The following ULK4 variants were observed in gnomAD, a reference collection of about 807,000 sequenced individuals.
The protein encoded by ULK4 is inactive serine/threonine-protein kinase ULK4.
ULK4 carries 133 observed loss-of-function variants against 160.6 expected under a neutral mutation model. That is an observed-to-expected ratio of 0.83 (90% CI 0.72 to 0.96). The LOEUF is 0.96. ULK4 is among the 40% of genes least tolerant of loss of function. ULK4 has a pLI of 0.00. For missense variants in ULK4, 1,580 were observed against 1,499.5 expected (o/e 1.05, Z -0.89); for synonymous variants, 534 against 539.8 (o/e 0.99, Z 0.15).
intron 30 of ULK4, among the ~76,000 whole-genome samples, chr3:41,649,336 G>A (rs1393254571): frequency 6.6e-6 from 1 of 152,144 alleles, no homozygotes; most frequent in African/African-American, 2.4e-5. Flanking sequence ...GGCAGGAACA[G>A]GCAGGAGCCC....
intron 17 of ULK4, among the ~76,000 whole-genome samples, chr3:41,871,030 C>T (rs1355771360): frequency 1.3e-5 from 2 of 152,134 alleles, no homozygotes; most frequent in East Asian, 1.9e-4. Context: ...TCTCTCCTCC[C>T]GCCATGTAAA....
chr3:41,897,292 C>T (rs1343282014), intron 14 of ULK4, among the ~76,000 whole-genome samples: 1 of 152,046 alleles, frequency 6.6e-6, no homozygotes, highest in African/African-American at 2.4e-5. Context: ...TAACAAAATG[C>T]AAAGTTCAAT....
At chr3:41,647,151 G>C (rs1011345796) in intron 30 of ULK4, among the ~76,000 whole-genome samples, 1 of 152,120 alleles carries the variant, frequency 6.6e-6, no homozygotes, top group Non-Finnish European at 1.5e-5. Flanking sequence ...TTCTCCTGTA[G>C]CTCGGAGTAG....
chr3:41,819,357 C>T, intron 19 of ULK4, 66 bp downstream of exon 19: 2 of 1,484,220 alleles, frequency 1.3e-6, no homozygotes, highest in Non-Finnish European at 1.9e-6. Context: ...GGCTACAATC[C>T]TCATACAGTG....
intron 32 of ULK4, among the ~76,000 whole-genome samples, chr3:41,470,042 AAAAAC>A (rs2083944777): frequency 1.4e-5 from 2 of 140,332 alleles, no homozygotes; most frequent in Non-Finnish European, 3.1e-5. Context: ...AAAAAAAAAA[AAAAAC>A]AAAGTATTTT....
intron 29 of ULK4, among the ~76,000 whole-genome samples, chr3:41,667,928 TA>T (rs1321806106): frequency 1.3e-5 from 2 of 152,204 alleles, no homozygotes; most frequent in African/African-American, 2.4e-5. Context: ...CTATAATTAA[TA>T]AATCCCTATC....
chr3:41,412,705 A>G (rs1228736127), intron 34 of ULK4, among the ~76,000 whole-genome samples: 1 of 151,764 alleles, frequency 6.6e-6, no homozygotes, highest in Admixed American at 6.6e-5. Flanking sequence ...GATTACAGGC[A>G]TGCACCACCA....
intron 32 of ULK4, among the ~76,000 whole-genome samples, chr3:41,522,118 T>A (rs1290175891): frequency 1.5e-5 from 2 of 134,184 alleles, no homozygotes; most frequent in Non-Finnish European, 3.3e-5. Flanking sequence ...TAAATGTTTT[T>A]TCTTTTTTTT....
At chr3:41,500,504 G>A (rs190735442) in intron 32 of ULK4, among the ~76,000 whole-genome samples, 218 of 152,248 alleles carry the variant, frequency 1.4e-3, no homozygotes, top group Non-Finnish European at 3.5e-4. Flanking sequence ...CACCTGATTA[G>A]TGGGAGGCAA....
chr3:41,770,442 T>A (rs990223246), intron 21 of ULK4, among the ~76,000 whole-genome samples: 18 of 152,170 alleles, frequency 1.2e-4, no homozygotes, highest in Non-Finnish European at 2.1e-4. Flanking sequence ...ATAATCTTCC[T>A]AATGCTACAG....
intron 30 of ULK4, among the ~76,000 whole-genome samples, chr3:41,622,759 A>C (rs1312530504): frequency 1.3e-5 from 2 of 152,158 alleles, no homozygotes; most frequent in Non-Finnish European, 2.9e-5. Flanking sequence ...CCAAACTTAA[A>C]ATTTAAAAAA....
intron 35 of ULK4, among the ~76,000 whole-genome samples, chr3:41,371,409 C>G (rs1248624454): frequency 2.0e-5 from 3 of 152,192 alleles, no homozygotes; most frequent in African/African-American, 4.8e-5. Context: ...CAGCTGACAT[C>G]TGGCAGCTGC....
chr3:41,267,583 T>C (rs534961348), intron 35 of ULK4, among the ~76,000 whole-genome samples: 7 of 152,260 alleles, frequency 4.6e-5, no homozygotes, highest in Non-Finnish European at 1.0e-4. Context: ...CTTTAAAACT[T>C]ATCTTGGACA....
rs12636535 is a variant in ULK4, at chr3:41,415,342, T to A, written c.3493-17078A>T. Among the ~76,000 whole-genome samples the A allele has an allele frequency of 2.0e-5, 3 of 152,284 alleles. No homozygotes were observed. In the East Asian group the frequency reaches 5.8e-4, roughly 30 times the overall value. ...TTCTGTCACCACTGGATGAGAGACA[T>A]GGGTTTGAGACAGCCACCCAAGAAG... On this transcript the variant is annotated intron_variant, in intron 34 of 36. Coordinates refer to ENST00000301831, the MANE Select transcript of ULK4 (RefSeq NM_017886.4).
chr3:41,536,973 T>TCA (rs1485745344), intron 32 of ULK4, among the ~76,000 whole-genome samples: 1 of 152,228 alleles, frequency 6.6e-6, no homozygotes, highest in South Asian at 2.1e-4. Context: ...GTAAAAGCAG[T>TCA]CAAAAGCAGT....
chr3:41,477,042 A>C (rs753874678), intron 32 of ULK4, among the ~76,000 whole-genome samples: 1 of 152,184 alleles, frequency 6.6e-6, no homozygotes, highest in Non-Finnish European at 1.5e-5. Flanking sequence ...AGTACTTCCC[A>C]GTCCTCTGGT....
chr3:41,736,715 T>A (rs1231482665), intron 22 of ULK4, among the ~76,000 whole-genome samples: 1 of 151,118 alleles, frequency 6.6e-6, no homozygotes, highest in African/African-American at 2.5e-5. Context: ...CATTTGTCAA[T>A]TTTGTCTTTT....
intron 32 of ULK4, among the ~76,000 whole-genome samples, chr3:41,553,114 A>G (rs2087138357): frequency 6.6e-6 from 1 of 152,158 alleles, no homozygotes; most frequent in Non-Finnish European, 1.5e-5. Context: ...AGGATAGATC[A>G]AAGACTTAAC....
intron 32 of ULK4, among the ~76,000 whole-genome samples, chr3:41,490,290 A>C (rs1317660062): frequency 2.0e-5 from 3 of 152,044 alleles, no homozygotes; most frequent in Non-Finnish European, 2.9e-5. Context: ...GCCATCACTT[A>C]CCTGACCCAG....
Sources: allele counts gnomAD v4.1 joint callset (sites outside exome capture counted in the v4.1 genomes callset), GRCh38; gene constraint gnomAD v4.1.1; transcripts MANE v1.5; gene names NCBI Gene and HGNC (gene_info 2026-07-23, HGNC 2026-07-21).